The following PDE4D variants were observed in gnomAD, a reference collection of about 807,000 sequenced individuals.
PDE4D encodes 3',5'-cyclic-AMP phosphodiesterase 4D.
PDE4D carries 24 observed loss-of-function variants against 87.4 expected under a neutral mutation model. The ratio of observed to expected loss-of-function variants is 0.27; its 90% CI spans 0.20 to 0.39. The LOEUF is 0.39. PDE4D is among the 10% of genes least tolerant of loss of function. PDE4D has a pLI of 1.00. For synonymous variants in PDE4D, 384 were observed against 383.2 expected (o/e 1.00, Z -0.02); for missense variants, 714 against 1,041.0 (o/e 0.69, Z 4.32).
intron 1 of PDE4D, among the ~76,000 whole-genome samples, chr5:59,241,999 G>C (rs1581561367): frequency 6.6e-6 from 1 of 151,948 alleles, no homozygotes; most frequent in East Asian, 1.9e-4. Flanking sequence ...ATTCATTTCT[G>C]TATTTCCAAT....
chr5:59,540,056 T>C (rs868242893), intron 1 of PDE4D, among the ~76,000 whole-genome samples: 17 of 152,166 alleles, frequency 1.1e-4, no homozygotes, highest in Admixed American at 1.3e-4. Flanking sequence ...CTAGAGTTTC[T>C]GATTCATTAG....
chr5:59,225,991 A>G (rs1023307970), intron 1 of PDE4D, among the ~76,000 whole-genome samples: 1 of 135,470 alleles, frequency 7.4e-6, no homozygotes. Context: ...GGCCATTATT[A>G]AAAAAAAAAA....
intron 1 of PDE4D, among the ~76,000 whole-genome samples, chr5:59,865,418 T>A (rs964363400): frequency 6.6e-6 from 1 of 152,166 alleles, no homozygotes; most frequent in Admixed American, 6.5e-5. Context: ...TAAAACTGAT[T>A]AACTGAAAAA....
intron 1 of PDE4D, among the ~76,000 whole-genome samples, chr5:59,719,698 C>T (rs112408924): frequency 2.5e-4 from 38 of 152,170 alleles, no homozygotes; most frequent in African/African-American, 9.2e-4. Flanking sequence ...AAGTTTTATC[C>T]CATGAATACA....
At chr5:60,098,867 T>C (rs149429621) in intron 2 of PDE4D, among the ~76,000 whole-genome samples, 449 of 152,166 alleles carry the variant, frequency 3.0e-3, no homozygotes, top group Middle Eastern at 6.8e-3. Flanking sequence ...GGAAAAGCTT[T>C]TGGCTTTACA....
intron 1 of PDE4D, among the ~76,000 whole-genome samples, chr5:60,478,847 T>C (rs895531312): frequency 6.6e-6 from 1 of 152,162 alleles, no homozygotes; most frequent in African/African-American, 2.4e-5. Context: ...GAATCCATTG[T>C]ATATTCTTTT....
At chr5:60,127,095 A>G (rs1779182742) in intron 2 of PDE4D, among the ~76,000 whole-genome samples, 1 of 152,150 alleles carries the variant, frequency 6.6e-6, no homozygotes, top group African/African-American at 2.4e-5. Flanking sequence ...AAGGGGAGAG[A>G]AAAGCAGAAG....
intron 3 of PDE4D, among the ~76,000 whole-genome samples, chr5:59,940,292 A>G (rs1405425461): frequency 6.6e-6 from 1 of 152,178 alleles, no homozygotes; most frequent in Non-Finnish European, 1.5e-5. Flanking sequence ...TACCATGATT[A>G]GATTTGAATT....
intron 1 of PDE4D, among the ~76,000 whole-genome samples, chr5:59,840,047 TC>T (rs1742736987): frequency 6.6e-6 from 1 of 151,876 alleles, no homozygotes; most frequent in Non-Finnish European, 1.5e-5. Flanking sequence ...TCCAACACTT[TC>T]CCCCTCTGAG....
At chr5:59,056,322 C>G (rs1206339211) in intron 5 of PDE4D, among the ~76,000 whole-genome samples, 2 of 152,130 alleles carry the variant, frequency 1.3e-5, no homozygotes, top group Admixed American at 1.3e-4. Flanking sequence ...TAGGAAGCTA[C>G]AACCACTGGA....
Position 59,788,926 on chromosome 5 carries a change from T to G in PDE4D, c.455+104242A>C, listed in dbSNP as rs568820679. On this transcript the variant is annotated intron_variant, in intron 1 of 14. Transcript: ENST00000340635. The stretch of plus-strand genomic sequence containing the variant: ...TGATATGGGCTTTACAAAAAGAAAA[T>G]AAAGTAAAAAATACTCAATAATGCA... 3.9e-5 allele frequency among the ~76,000 whole-genome samples: 6 copies of G among 152,074 alleles called. No individual in the cohort carries two copies. In the East Asian group the frequency reaches 1.2e-3, roughly 29 times the overall value.
chr5:59,756,535 C>CACACACACACACACAG (rs1355152924), intron 1 of PDE4D, among the ~76,000 whole-genome samples: 98 of 150,084 alleles, frequency 6.5e-4, no homozygotes, highest in African/African-American at 2.1e-3. Context: ...CACACACACA[C>CACACACACACACACAG]AGAGACACAC....
At chr5:59,035,068 G>GCTCT (rs1294826622) in intron 6 of PDE4D, among the ~76,000 whole-genome samples, 4 of 152,224 alleles carry the variant, frequency 2.6e-5, no homozygotes, top group Admixed American at 2.0e-4. Context: ...CCGCTGTCCT[G>GCTCT]CTCTCCTCTC....
intron 1 of PDE4D, among the ~76,000 whole-genome samples, chr5:60,415,919 A>G (rs1742493806): frequency 1.3e-5 from 2 of 152,222 alleles, no homozygotes; most frequent in Admixed American, 6.5e-5. Context: ...TGTCTAGCTA[A>G]GGGATTGTAA....
intron 5 of PDE4D, among the ~76,000 whole-genome samples, chr5:59,120,296 G>T (rs1244736055): frequency 6.6e-6 from 1 of 152,162 alleles, no homozygotes; most frequent in African/African-American, 2.4e-5. Context: ...TCAAGGTTGT[G>T]TCCTACCTTT....
At chr5:59,526,660 A>G (rs1453472140) in intron 1 of PDE4D, among the ~76,000 whole-genome samples, 9 of 152,066 alleles carry the variant, frequency 5.9e-5, no homozygotes, top group African/African-American at 2.2e-4. Context: ...GTCTTGTTCT[A>G]TCTCCCTGGC....
At position 58,972,301 on chromosome 5, in the gene PDE4D, TA is replaced by T. The variant is rs1297979659; in HGVS notation, c.*2362del. The T allele has an allele frequency of 5.2e-5, 8 of 152,644 alleles. No homozygotes were observed. The highest frequency in any genetic ancestry group is 1.2e-4 in the Non-Finnish European group (8 of 68,036). The allele number at this position is 152,644 out of a possible 1,614,324, so 9.5% of individuals were successfully genotyped here. A position where few individuals can be genotyped will look rare whatever the true frequency, so the allele number is the denominator to read the frequency against. On this transcript the variant is annotated 3_prime_UTR_variant, in exon 15 of 15. Coordinates refer to ENST00000340635, the MANE Select transcript of PDE4D (RefSeq NM_001104631.2). ...AACTACTTGGTCAAACATACGTCTT[TA>T]TTTTTTTCTTATTTGAAAGATTACC...
chr5:60,438,580 A>G (rs1001852414), intron 1 of PDE4D, among the ~76,000 whole-genome samples: 2 of 152,074 alleles, frequency 1.3e-5, no homozygotes, highest in Non-Finnish European at 1.5e-5. Flanking sequence ...AAGAGAGGCC[A>G]TTACCTGAGT....
At chr5:60,140,546 A>G (rs2149417949) in intron 2 of PDE4D, among the ~76,000 whole-genome samples, 1 of 81,294 alleles carries the variant, frequency 1.2e-5, no homozygotes, top group African/African-American at 5.8e-5. Flanking sequence ...GAAGGAATAA[A>G]AGGAGAAAAA....
Sources: allele counts gnomAD v4.1 joint callset (sites outside exome capture counted in the v4.1 genomes callset), GRCh38; gene constraint gnomAD v4.1.1; transcripts MANE v1.5; gene names NCBI Gene and HGNC (gene_info 2026-07-23, HGNC 2026-07-21).